Variants in MIDEAS observed in about 807,000 individuals in gnomAD.
The protein encoded by MIDEAS is mitotic deacetylase associated SANT domain protein.
Under a neutral mutation model 102.7 loss-of-function variants are expected in MIDEAS, and 26 were observed. The observed-to-expected ratio is 0.25, with a 90% CI of 0.19 to 0.35. The LOEUF is 0.35. Ranked by LOEUF, MIDEAS falls within the 10% of genes least tolerant of loss-of-function variation. The pLI is 1.00. For missense variants in MIDEAS, 1,231 were observed against 1,435.6 expected (o/e 0.86, Z 2.30); for synonymous variants, 585 against 591.0 (o/e 0.99, Z 0.15).
At position 73,726,722 on chromosome 14, in the gene MIDEAS, G is replaced by C. The variant is rs776026107; in HGVS notation, c.2306-15C>G. 13 of 1,614,032 alleles carry C rather than the reference G, an allele frequency of 8.1e-6. No homozygotes were observed. The highest frequency in any genetic ancestry group is 1.1e-5 in the Non-Finnish European group (13 of 1,179,980). On this transcript the variant is annotated splice_polypyrimidine_tract_variant and intron_variant, in intron 6 of 12. Transcript: ENST00000423556. ...CAGGTCTTCCACTGGATCCACAGGAGCATGAGGAGGGAGGGGAGGAAACCA... is the reference window on the plus strand; with the variant it reads ...CAGGTCTTCCACTGGATCCACAGGACCATGAGGAGGGAGGGGAGGAAACCA...
Position 73,729,975 on chromosome 14 carries a change from A to G in MIDEAS, c.1760T>C (p.Met587Thr), listed in dbSNP as rs2140107757. 1 of 1,602,038 alleles carries G rather than the reference A, an allele frequency of 6.2e-7. No homozygotes were observed. Among genetic ancestry groups the G allele is most frequent in the African/African-American group, 1.3e-5 (1 of 74,680 alleles). ...AGGCTCCCCCTCCAACTTGACATTC[A>G]TGTCCTCTGCCTGGAGAAGGAAAGA... ...GTDAQAQAED[M>T]NVKLEGEPSV... is the part of the protein sequence containing the mutation. Residue 587 changes from methionine (M) to threonine (T), a missense_variant, in exon 4 of 13, where the codon ATG (methionine) becomes ACG (threonine). Met to Thr is a moderately conservative substitution (Grantham distance 81). Transcript: ENST00000423556.
intron 1 of MIDEAS, among the ~76,000 whole-genome samples, chr14:73,786,331 C>T (rs1399949433): frequency 1.3e-5 from 2 of 152,230 alleles, no homozygotes; most frequent in Non-Finnish European, 2.9e-5. Flanking sequence ...ATTCCTGCAG[C>T]CCTTGCAGTT....
At chr14:73,719,228 T>TCCCCACCCCCCCCCCCCCCCCCC in intron 12 of MIDEAS, 77 bp downstream of exon 12, 1 of 645,574 alleles carries the variant, frequency 1.5e-6, no homozygotes, top group Non-Finnish European at 2.0e-6. Flanking sequence ...CTCTTCCCCC[T>TCCCCACCCCCCCCCCCCCCCCCC]CCCCTCCACC....
chr14:73,719,110 C>T, intron 12 of MIDEAS, 102 bp from the exon 13 acceptor site: 3 of 1,457,878 alleles, frequency 2.1e-6, no homozygotes, highest in Non-Finnish European at 2.7e-6. Flanking sequence ...CCCCACGCTG[C>T]ACAGCCGCGG....
At position 73,717,694 on chromosome 14, in the gene MIDEAS, C is replaced by G. The variant is rs773273765; in HGVS notation, c.*1149G>C. On this transcript the variant is annotated 3_prime_UTR_variant, in exon 13 of 13. Transcript: ENST00000423556. ...TCGGGCCTCTGAAAAGCAGGAGGCC[C>G]CTGGTCCCTGAGAGGATGTTAAAAA... 5 of 152,564 alleles carry G rather than the reference C, an allele frequency of 3.3e-5. No homozygotes were observed. Among genetic ancestry groups the G allele is most frequent in the Non-Finnish European group, 7.3e-5 (5 of 68,028 alleles). 9.5% of individuals were successfully genotyped at this position (152,564 alleles called of 1,614,324 possible). A position where few individuals can be genotyped will look rare whatever the true frequency, so the allele number is the denominator to read the frequency against.
intron 1 of MIDEAS, among the ~76,000 whole-genome samples, chr14:73,749,094 T>C (rs943881775): frequency 5.9e-5 from 9 of 151,930 alleles, no homozygotes; most frequent in African/African-American, 2.2e-4. Context: ...GACAAGGAAA[T>C]AGAAGATTTA....
chr14:73,726,219 C>G (rs1391469095), intron 7 of MIDEAS, 111 bp from the exon 8 acceptor site: 5 of 900,420 alleles, frequency 5.6e-6, no homozygotes, highest in South Asian at 4.3e-5. Context: ...ACTCTTGCCC[C>G]CTTAACTGCT....
intron 1 of MIDEAS, among the ~76,000 whole-genome samples, chr14:73,770,362 C>CGAT (rs10536715): frequency 1.5e-4 from 23 of 151,462 alleles, no homozygotes; most frequent in East Asian, 5.9e-4. Flanking sequence ...ATGATGATGA[C>CGAT]GATGATGATG....
In MIDEAS at chr14:73,725,887, G is replaced by C; in HGVS notation, c.2485+146C>G. ...CCTGGAGAGCTACCCCAGCTTTGGT[G>C]GCAGTTCCCTCACTCTGACTCTTGG... is the stretch of plus-strand genomic sequence containing the variant. On this transcript the variant is annotated intron_variant, in intron 8 of 12. Coordinates refer to ENST00000423556, the MANE Select transcript of MIDEAS (RefSeq NM_001367710.1). This position sits in a 1 kb window ranked among gnomAD's most constrained non-coding sequence, Gnocchi z 4.1. The C allele has an allele frequency of 1.4e-6, 1 of 694,416 alleles. No homozygotes were observed. The allele number at this position is 694,416 out of a possible 1,614,324, so 43.0% of individuals were successfully genotyped here.
chr14:73,737,821 A>C (rs1595266824), intron 2 of MIDEAS, among the ~76,000 whole-genome samples: 1 of 123,894 alleles, frequency 8.1e-6, no homozygotes, highest in African/African-American at 3.0e-5. Context: ...TCACTCTGTC[A>C]CCCAGGTTGT....
intron 1 of MIDEAS, among the ~76,000 whole-genome samples, chr14:73,769,917 T>TG (rs2053627698): frequency 7.1e-6 from 1 of 140,720 alleles, no homozygotes; most frequent in Non-Finnish European, 1.6e-5. Context: ...TTTTTTTGTT[T>TG]TTTTTTTTTA....
chr14:73,767,298 C>G (rs2140164238), intron 1 of MIDEAS, among the ~76,000 whole-genome samples: 1 of 152,302 alleles, frequency 6.6e-6, no homozygotes, highest in Middle Eastern at 3.4e-3. Flanking sequence ...GCCCACAGAG[C>G]TATGATGCCC....
chr14:73,739,293 G>A lies in MIDEAS; in HGVS notation c.716C>T (p.Pro239Leu), dbSNP rs540631454. 272 of 1,611,740 alleles carry A rather than the reference G, an allele frequency of 1.7e-4. No homozygotes were observed. Among genetic ancestry groups the A allele is most frequent in the Admixed American group, 2.8e-4 (17 of 59,990 alleles). ...CTTCTGTGGAGGGAAGGCAGCCACC[G>A]GGTTTGGGGGCGGTGGGCCCTGCCG... ...VFRQGPPPPN[P>L]VAAFPPQKQQ... The change falls in exon 2 of 13, where the codon CCG becomes CTG. Residue 239 changes from proline (P) to leucine (L), a missense_variant. Pro to Leu is a moderately conservative substitution (Grantham distance 98, BLOSUM62 -3). Transcript: ENST00000423556.
chr14:73,771,953 G>C (rs1364322484), intron 1 of MIDEAS, among the ~76,000 whole-genome samples: 1 of 152,264 alleles, frequency 6.6e-6, no homozygotes, highest in African/African-American at 2.4e-5. Flanking sequence ...GCAGGGGCCT[G>C]AAGTAAGAGG....
intron 5 of MIDEAS, 28 bp from the exon 6 acceptor site, chr14:73,727,000 A>C (rs1480809128): frequency 6.4e-7 from 1 of 1,565,518 alleles, no homozygotes. Flanking sequence ...GCAGGAAGTG[A>C]GGCCTCACCT....
chr14:73,720,040 C>A (rs962985258), intron 11 of MIDEAS, among the ~76,000 whole-genome samples: 14 of 151,820 alleles, frequency 9.2e-5, no homozygotes, highest in Non-Finnish European at 1.5e-4. Flanking sequence ...GCAGAGGTGA[C>A]CTCGGCTGGG....
rs377433576 is a variant in MIDEAS, at chr14:73,739,305, G to A, written c.704C>T (p.Pro235Leu). 1.2e-5 allele frequency: 19 copies of A among 1,610,910 alleles called. No homozygotes were observed. The highest frequency in any genetic ancestry group is 8.3e-5 in the Admixed American group (5 of 59,950). Residue 235 changes from proline to leucine, a missense_variant, in exon 2 of 13, where the codon CCG (proline) becomes CTG (leucine). This residue lies in a region of MIDEAS where 758 missense variants were observed against 856.0 expected (regional missense o/e 0.89). Coordinates refer to ENST00000423556, the MANE Select transcript of MIDEAS (RefSeq NM_001367710.1). Reference sequence around the variant, plus strand: ...GAAGGCAGCCACCGGGTTTGGGGGCGGTGGGCCCTGCCGGAAGACCTGCCG... The same window carrying A: ...GAAGGCAGCCACCGGGTTTGGGGGCAGTGGGCCCTGCCGGAAGACCTGCCG... Reference protein sequence around the residue: ...VNRQVFRQGPPPPNPVAAFPP... With the variant: ...VNRQVFRQGPLPPNPVAAFPP...
Position 73,718,208 on chromosome 14 carries a change from G to A in MIDEAS, c.*635C>T, listed in dbSNP as rs1229916315. ...CAAGGCCGCCAGCAAGCAGCAAAGGGAGAGTACCTGCCGCGGCCTCCCTCC... is the reference window on the plus strand; with the variant it reads ...CAAGGCCGCCAGCAAGCAGCAAAGGAAGAGTACCTGCCGCGGCCTCCCTCC... On this transcript the variant is annotated 3_prime_UTR_variant, in exon 13 of 13. Transcript: ENST00000423556. 6.6e-6 allele frequency: 1 copy of A among 152,458 alleles called. No individual in the cohort carries two copies. Among genetic ancestry groups the A allele is most frequent in the Non-Finnish European group, 1.5e-5 (1 of 68,326 alleles). 9.4% of individuals were successfully genotyped at this position (152,458 alleles called of 1,614,324 possible). A position where few individuals can be genotyped will look rare whatever the true frequency, so the allele number is the denominator to read the frequency against.
rs1053194698 is a variant in MIDEAS at position 73,777,581 on chromosome 14, T to C, written c.-248+9521A>G. On this transcript the variant is annotated intron_variant, in intron 1 of 11. Transcript: ENST00000394071. Reference sequence around the variant, plus strand: ...GCAGTCCCCAGAGCAAATGGTGTCATGTTGTGCCTCCAGGCCTTGTCTGAG... The same window carrying C: ...GCAGTCCCCAGAGCAAATGGTGTCACGTTGTGCCTCCAGGCCTTGTCTGAG... 6.6e-5 allele frequency among the ~76,000 whole-genome samples: 10 copies of C among 152,048 alleles called. 2 individuals are homozygous for C. The highest frequency in any genetic ancestry group is 1.5e-4 in the Non-Finnish European group (10 of 67,924).
Sources: allele counts gnomAD v4.1 joint callset (sites outside exome capture counted in the v4.1 genomes callset), GRCh38; gene constraint gnomAD v4.1.1; regional missense constraint gnomAD v4.1.1; non-coding constraint Gnocchi (gnomAD v3.1); transcripts MANE v1.5; gene names NCBI Gene and HGNC (gene_info 2026-07-23, HGNC 2026-07-21).